Variants in SNTG1 observed in about 807,000 individuals in gnomAD.
SNTG1 encodes syntrophin gamma 1, also known as gamma-1-syntrophin.
A neutral mutation model predicts 74.7 loss-of-function variants in SNTG1; 39 were observed. The observed-to-expected ratio is 0.52, with a 90% CI of 0.40 to 0.68. The LOEUF is 0.68. SNTG1 is among the 30% of genes least tolerant of loss of function. The pLI, the probability that SNTG1 is intolerant of heterozygous loss-of-function variation, is 0.00. For missense variants in SNTG1, 685 were observed against 609.5 expected (o/e 1.12, Z -1.30); for synonymous variants, 254 against 217.1 (o/e 1.17, Z -1.49).
At chr8:49,991,866 A>G (rs1813725399) in intron 1 of SNTG1, among the ~76,000 whole-genome samples, 1 of 152,224 alleles carries the variant, frequency 6.6e-6, no homozygotes, top group Non-Finnish European at 1.5e-5. Flanking sequence ...ATGTTCTAAA[A>G]TTAGATAGCT....
chr8:50,408,310 G>A (rs76532757), intron 4 of SNTG1, among the ~76,000 whole-genome samples: 7,450 of 152,214 alleles, frequency 0.049, 234 homozygotes, highest in Middle Eastern at 0.11. Flanking sequence ...CCATTAAATT[G>A]TAAAGTAAAT....
chr8:50,000,866 T>C (rs994135234), intron 1 of SNTG1, among the ~76,000 whole-genome samples: 12 of 152,212 alleles, frequency 7.9e-5, no homozygotes, highest in Non-Finnish European at 1.6e-4. Context: ...GGAGAACAAG[T>C]GAAACTGTTT....
At position 49,982,637 on chromosome 8, in the gene SNTG1, T is replaced by C. The variant is rs961819318; in HGVS notation, c.-103+70406T>C. 5.3e-5 allele frequency among the ~76,000 whole-genome samples: 7 copies of C among 133,262 alleles called. No individual in the cohort carries two copies. In the East Asian group the frequency reaches 1.1e-3, roughly 21 times the overall value. The allele number at this position is 133,262 out of a possible 152,430, so 87.4% of individuals were successfully genotyped here. ...AAAAAAAAGTTTGAGCCCAAAACAG[T>C]GTGTGTGTGTGTGTGTGTGTGTAAT... On this transcript the variant is annotated intron_variant, in intron 1 of 18. Coordinates refer to ENST00000642720, the MANE Select transcript of SNTG1 (RefSeq NM_018967.5).
chr8:50,437,161 C>G (rs916679929), intron 4 of SNTG1, among the ~76,000 whole-genome samples: 6 of 152,074 alleles, frequency 3.9e-5, no homozygotes, highest in African/African-American at 1.4e-4. Flanking sequence ...TGAAATTACT[C>G]AGCACATTGT....
At chr8:50,207,374 C>G (rs887225911) in intron 2 of SNTG1, among the ~76,000 whole-genome samples, 3 of 152,112 alleles carry the variant, frequency 2.0e-5, no homozygotes, top group Admixed American at 2.0e-4. Flanking sequence ...ATAGTATACT[C>G]TGATGTAGAT....
At chr8:50,422,048 A>T (rs967364819) in intron 4 of SNTG1, among the ~76,000 whole-genome samples, 3 of 152,116 alleles carry the variant, frequency 2.0e-5, no homozygotes, top group African/African-American at 7.2e-5. Context: ...CACACACTCA[A>T]TCTCTCCTAG....
chr8:50,421,050 G>T (rs1445385581), intron 4 of SNTG1, among the ~76,000 whole-genome samples: 1 of 57,864 alleles, frequency 1.7e-5, no homozygotes, highest in Non-Finnish European at 3.4e-5. Context: ...GGTGGGCGGG[G>T]GAGGGGGGGG....
intron 1 of SNTG1, among the ~76,000 whole-genome samples, chr8:49,940,663 A>G (rs1256193036): frequency 6.6e-6 from 1 of 152,162 alleles, no homozygotes. Context: ...AGGACCTAAC[A>G]TGTGCCCAAT....
At chr8:50,455,490 G>T (rs2093496782) in intron 8 of SNTG1, among the ~76,000 whole-genome samples, 1 of 152,112 alleles carries the variant, frequency 6.6e-6, no homozygotes. Context: ...TAAAAGAACA[G>T]ACTGAGTAAC....
At position 49,971,175 on chromosome 8, in the gene SNTG1, T is replaced by A. The variant is rs148044673; in HGVS notation, c.-103+58944T>A. On this transcript the variant is annotated intron_variant, in intron 1 of 18. Coordinates refer to ENST00000642720, the MANE Select transcript of SNTG1 (RefSeq NM_018967.5). The stretch of plus-strand genomic sequence containing the variant: ...ACATCAAAAAGCTTATTCACCATGA[T>A]CAAGAGGGCTTCATCCCTGGTTTGC... 5.6e-3 allele frequency among the ~76,000 whole-genome samples: 856 copies of A among 152,264 alleles called. 3 individuals carry two copies. Among genetic ancestry groups the A allele is most frequent in the Non-Finnish European group, 9.7e-3 (661 of 68,022 alleles).
intron 1 of SNTG1, among the ~76,000 whole-genome samples, chr8:50,062,370 A>G (rs1037218499): frequency 6.6e-6 from 1 of 152,012 alleles, no homozygotes; most frequent in Non-Finnish European, 1.5e-5. Flanking sequence ...TCTAACTCCA[A>G]TTATGGATTT....
chr8:50,439,683 A>G (rs2093339532), intron 5 of SNTG1, among the ~76,000 whole-genome samples: 1 of 150,670 alleles, frequency 6.6e-6, no homozygotes, highest in Non-Finnish European at 1.5e-5. Context: ...TGAGAATTTA[A>G]TCACTCAATA....
intron 1 of SNTG1, among the ~76,000 whole-genome samples, chr8:50,017,762 A>G (rs982796736): frequency 6.6e-6 from 1 of 152,010 alleles, no homozygotes; most frequent in Non-Finnish European, 1.5e-5. Context: ...TTAATGAAGC[A>G]AAAACTGACA....
intron 4 of SNTG1, among the ~76,000 whole-genome samples, chr8:50,407,295 A>G (rs1005908415): frequency 2.0e-5 from 3 of 152,172 alleles, no homozygotes; most frequent in African/African-American, 4.8e-5. Context: ...AGAATGTTCT[A>G]AGGAAAGGCA....
intron 1 of SNTG1, among the ~76,000 whole-genome samples, chr8:50,019,557 C>A (rs913340683): frequency 1.3e-5 from 2 of 152,068 alleles, no homozygotes; most frequent in Non-Finnish European, 2.9e-5. Context: ...TGCATCTGTT[C>A]ATCATACACT....
At chr8:50,302,384 G>T (rs1463641140) in intron 2 of SNTG1, among the ~76,000 whole-genome samples, 1 of 151,996 alleles carries the variant, frequency 6.6e-6, no homozygotes, top group Non-Finnish European at 1.5e-5. Flanking sequence ...TTGCCACTGG[G>T]ATCACTATAA....
chr8:49,927,235 G>A (rs777449787), intron 1 of SNTG1, among the ~76,000 whole-genome samples: 4 of 152,102 alleles, frequency 2.6e-5, no homozygotes, highest in Non-Finnish European at 5.9e-5. Context: ...ATACAATCTA[G>A]CAATCACACT....
At chr8:49,984,938 G>GTT (rs146824160) in intron 1 of SNTG1, among the ~76,000 whole-genome samples, 1 of 151,866 alleles carries the variant, frequency 6.6e-6, no homozygotes, top group East Asian at 1.9e-4. Context: ...GTTGGAGTAT[G>GTT]TTTTTTTTAC....
At chr8:50,759,171 A>C (rs1350356744) in intron 18 of SNTG1, among the ~76,000 whole-genome samples, 1 of 151,500 alleles carries the variant, frequency 6.6e-6, no homozygotes, top group Non-Finnish European at 1.5e-5. Flanking sequence ...TTTTTTTCTC[A>C]TAAATTTGTT....
Sources: allele counts gnomAD v4.1 joint callset (sites outside exome capture counted in the v4.1 genomes callset), GRCh38; gene constraint gnomAD v4.1.1; transcripts MANE v1.5; gene names NCBI Gene and HGNC (gene_info 2026-07-23, HGNC 2026-07-21).